Variants in TRAPPC9 observed in about 807,000 individuals in gnomAD.
The protein encoded by TRAPPC9 is IKK2 binding protein.
Under a neutral mutation model 124.0 loss-of-function variants are expected in TRAPPC9, and 83 were observed. That is an observed-to-expected ratio of 0.67 (90% CI 0.56 to 0.80). The LOEUF is 0.80. TRAPPC9 is among the 30% of genes least tolerant of loss of function. The pLI, the probability that TRAPPC9 is intolerant of heterozygous loss-of-function variation, is 0.00. For synonymous variants in TRAPPC9, 638 were observed against 617.5 expected (o/e 1.03, Z -0.49); for missense variants, 1,302 against 1,508.3 (o/e 0.86, Z 2.27).
At chr8:140,429,379 C>T (rs1010150081) in intron 4 of TRAPPC9, among the ~76,000 whole-genome samples, 11 of 152,190 alleles carry the variant, frequency 7.2e-5, no homozygotes, top group African/African-American at 2.2e-4. Context: ...TGAGCCACTG[C>T]ACCTGGCCAA....
intron 17 of TRAPPC9, among the ~76,000 whole-genome samples, chr8:140,210,605 C>T (rs1398232362): frequency 1.3e-5 from 2 of 152,234 alleles, no homozygotes; most frequent in East Asian, 1.9e-4. Context: ...TCCCTGTACC[C>T]GCACCCCCTT....
chr8:140,194,214 T>C (rs1212256539), intron 17 of TRAPPC9, among the ~76,000 whole-genome samples: 1 of 152,132 alleles, frequency 6.6e-6, no homozygotes, highest in Admixed American at 6.6e-5. Flanking sequence ...TCCTCCTTTC[T>C]CTGCCTTCCT....
chr8:139,806,951 C>G (rs1448120258), intron 21 of TRAPPC9, among the ~76,000 whole-genome samples: 1 of 152,222 alleles, frequency 6.6e-6, no homozygotes, highest in Non-Finnish European at 1.5e-5. Context: ...GTGCTTTGAT[C>G]GGCCACAGGC....
intron 7 of TRAPPC9, among the ~76,000 whole-genome samples, chr8:140,395,561 A>G (rs1365416220): frequency 6.6e-6 from 1 of 152,084 alleles, no homozygotes; most frequent in Non-Finnish European, 1.5e-5. Context: ...ATATGGACCA[A>G]CTCTGAGATG....
At chr8:140,207,959 C>T (rs2062966358) in intron 17 of TRAPPC9, among the ~76,000 whole-genome samples, 2 of 152,120 alleles carry the variant, frequency 1.3e-5, no homozygotes, top group Non-Finnish European at 2.9e-5. Flanking sequence ...TGAGACCATC[C>T]TGGCCAACAT....
chr8:140,349,181 C>A (rs1330614540), intron 9 of TRAPPC9, among the ~76,000 whole-genome samples: 1 of 115,390 alleles, frequency 8.7e-6, no homozygotes, highest in African/African-American at 3.5e-5. Flanking sequence ...AGGAAGGACA[C>A]ACCAGGGGGC....
rs549743887 is a variant in TRAPPC9, at chr8:140,314,419, T to C, written c.1496-3045A>G. ...CAATCAAATCAGGGTCATCAGCGTA[T>C]CCACTGCATCAAACATTTATCGGTT... is the stretch of plus-strand genomic sequence containing the variant. On this transcript the variant is annotated intron_variant, in intron 9 of 22. Coordinates refer to ENST00000438773, the MANE Select transcript of TRAPPC9 (RefSeq NM_001160372.4). 2.0e-5 allele frequency among the ~76,000 whole-genome samples: 3 copies of C among 152,362 alleles called. No homozygotes were observed. The South Asian group carries it at 6.2e-4, about 32-fold the overall frequency.
rs1296805085 is a variant in TRAPPC9 at position 140,126,171 on chromosome 8, C to T, written c.2556+95288G>A. ...TTTGAAAGAGATTGTCAAGCAGACT[C>T]GGAGGAAACCAGATGAGGGGCAAAG... On this transcript the variant is annotated intron_variant, in intron 17 of 22. Transcript: ENST00000438773. 3.3e-5 allele frequency among the ~76,000 whole-genome samples: 5 copies of T among 152,002 alleles called. No homozygotes were observed. The South Asian group carries it at 6.2e-4, about 19-fold the overall frequency.
chr8:139,973,595 A>T (rs148580719), intron 19 of TRAPPC9, among the ~76,000 whole-genome samples: 1 of 152,344 alleles, frequency 6.6e-6, no homozygotes, highest in East Asian at 1.9e-4. Context: ...TCACTGAGAA[A>T]TTTCTATGAA....
chr8:140,188,456 T>A (rs1052847600), intron 17 of TRAPPC9, among the ~76,000 whole-genome samples: 1 of 152,220 alleles, frequency 6.6e-6, no homozygotes, highest in African/African-American at 2.4e-5. Context: ...GCACAGCTGT[T>A]GGGAAGTTGG....
intron 17 of TRAPPC9, among the ~76,000 whole-genome samples, chr8:140,217,665 G>A (rs377102709): frequency 2.6e-4 from 40 of 152,246 alleles, no homozygotes; most frequent in African/African-American, 9.1e-4. Flanking sequence ...AATCCCTACC[G>A]TAACAAGGAA....
intron 1 of TRAPPC9, among the ~76,000 whole-genome samples, chr8:140,454,227 G>C (rs1488303832): frequency 6.6e-6 from 1 of 151,498 alleles, no homozygotes; most frequent in Admixed American, 6.6e-5. Flanking sequence ...AGGTGGAGGA[G>C]GCAGTGAGCC....
chr8:139,773,983 C>G (rs1441427630), intron 21 of TRAPPC9, among the ~76,000 whole-genome samples: 1 of 152,198 alleles, frequency 6.6e-6, no homozygotes, highest in African/African-American at 2.4e-5. Context: ...CGAAGGAAAG[C>G]CAGGCCGGCT....
chr8:139,809,740 C>G (rs1824308677), intron 21 of TRAPPC9, among the ~76,000 whole-genome samples: 1 of 152,136 alleles, frequency 6.6e-6, no homozygotes, highest in South Asian at 2.1e-4. Context: ...CCTCTCCCAG[C>G]CACAAGAGCC....
intron 21 of TRAPPC9, among the ~76,000 whole-genome samples, chr8:139,753,880 G>A (rs191640774): frequency 1.3e-4 from 20 of 152,262 alleles, no homozygotes; most frequent in Admixed American, 1.2e-3. Flanking sequence ...TTGTGGCCAT[G>A]GGACAGCGAG....
intron 21 of TRAPPC9, among the ~76,000 whole-genome samples, chr8:139,750,069 C>T (rs1279634449): frequency 6.6e-6 from 1 of 152,098 alleles, no homozygotes; most frequent in Non-Finnish European, 1.5e-5. Context: ...CCCATCTCAG[C>T]TGGGAGTGGT....
At chr8:140,340,787 T>C (rs143109520) in intron 9 of TRAPPC9, among the ~76,000 whole-genome samples, 7 of 152,312 alleles carry the variant, frequency 4.6e-5, no homozygotes, top group Non-Finnish European at 8.8e-5. Flanking sequence ...GCAGTCAGCA[T>C]CTTCCCCAAG....
At chr8:140,200,844 C>T (rs915060983) in intron 17 of TRAPPC9, among the ~76,000 whole-genome samples, 1 of 152,174 alleles carries the variant, frequency 6.6e-6, no homozygotes, top group Non-Finnish European at 1.5e-5. Context: ...ACGTTGGTTT[C>T]TTATTGTGTG....
intron 21 of TRAPPC9, among the ~76,000 whole-genome samples, chr8:139,822,909 C>T (rs796202322): frequency 5.3e-5 from 8 of 152,306 alleles, no homozygotes; most frequent in African/African-American, 1.7e-4. Context: ...AGTCCAAGAC[C>T]AAGGTGCCAG....
Sources: gnomAD v4.1 joint callset for allele counts (sites outside exome capture counted in the v4.1 genomes callset) on GRCh38, gnomAD v4.1.1 for gene constraint, MANE v1.5 for transcripts, NCBI Gene and HGNC (gene_info 2026-07-23, HGNC 2026-07-21) for gene names.